CPPED1: variants seen among roughly 807,000 people sequenced by gnomAD.
CPPED1 encodes serine/threonine-protein phosphatase CPPED1.
In CPPED1, 28 loss-of-function variants were observed where a neutral mutation model predicts 28.0. That is an observed-to-expected ratio of 1.00 (90% confidence interval 0.74 to 1.37). CPPED1 has a LOEUF of 1.37. Among genes scored for constraint, CPPED1 ranks in the 40% most tolerant of loss-of-function variants. The pLI is 0.00. For synonymous variants in CPPED1, 198 were observed against 180.2 expected (o/e 1.10, Z -0.79); for missense variants, 504 against 416.5 (o/e 1.21, Z -1.83).
At chr16:12,761,597 T>C (rs1314610701) in intron 2 of CPPED1, among the ~76,000 whole-genome samples, 1 of 152,120 alleles carries the variant, frequency 6.6e-6, no homozygotes, top group East Asian at 1.9e-4. Context: ...GGTGTCCCTG[T>C]GAAGAGACTA....
chr16:12,759,163 TAA>T (rs61373635), intron 2 of CPPED1: 9 of 74,358 alleles, frequency 1.2e-4, no homozygotes, highest in African/African-American at 2.7e-4. Flanking sequence ...ACTCTGTCTC[TAA>T]AAAAAAAAAA....
chr16:12,758,537 G>A (rs1420306679), intron 2 of CPPED1, among the ~76,000 whole-genome samples: 1 of 152,122 alleles, frequency 6.6e-6, no homozygotes, highest in Non-Finnish European at 1.5e-5. Context: ...CCTGTCACAT[G>A]CCTGGCATTG....
At chr16:12,769,461 T>G (rs4387586) in intron 2 of CPPED1, among the ~76,000 whole-genome samples, 62,971 of 151,828 alleles carry the variant, frequency 0.41, 13,534 homozygotes, top group African/African-American at 0.52. Flanking sequence ...AGCCAGTGTG[T>G]CTCCTCTGCC....
At chr16:12,711,874 G>A (rs1013854242) in intron 2 of CPPED1, among the ~76,000 whole-genome samples, 4 of 152,158 alleles carry the variant, frequency 2.6e-5, no homozygotes, top group Non-Finnish European at 5.9e-5. Flanking sequence ...TGTCCAGTAT[G>A]TAGTATGTGC....
intron 2 of CPPED1, among the ~76,000 whole-genome samples, chr16:12,742,998 G>C (rs2080264639): frequency 6.6e-6 from 1 of 152,118 alleles, no homozygotes; most frequent in African/African-American, 2.4e-5. Context: ...TTTGTCTATG[G>C]GTCATGAGTG....
At chr16:12,694,783 C>T (rs12922101) in intron 3 of CPPED1, among the ~76,000 whole-genome samples, 114,948 of 139,768 alleles carry the variant, frequency 0.82, 47,607 homozygotes, top group Non-Finnish European at 0.86. Flanking sequence ...AAACCCCCCC[C>T]TTTTTTTTTT....
chr16:12,721,598 A>G (rs2080140404), intron 2 of CPPED1, among the ~76,000 whole-genome samples: 1 of 151,906 alleles, frequency 6.6e-6, no homozygotes. Context: ...ACTAAAAATA[A>G]AAAAATTAGC....
intron 2 of CPPED1, among the ~76,000 whole-genome samples, chr16:12,737,270 T>C (rs1370245411): frequency 6.6e-6 from 1 of 151,980 alleles, no homozygotes. Context: ...AACTTGAAGG[T>C]GTAGGGCAAC....
chr16:12,680,989 CCT>C (rs1408722604), intron 3 of CPPED1, among the ~76,000 whole-genome samples: 1 of 152,034 alleles, frequency 6.6e-6, no homozygotes, highest in Non-Finnish European at 1.5e-5. Context: ...AGATTCTCTT[CCT>C]CTTTCTTTCT....
At chr16:12,677,029 T>G (rs1034932661) in intron 3 of CPPED1, among the ~76,000 whole-genome samples, 11 of 151,868 alleles carry the variant, frequency 7.2e-5, no homozygotes, top group African/African-American at 2.7e-4. Flanking sequence ...ACACATCAGG[T>G]GAGGGGAATA....
At chr16:12,696,717 A>T (rs1226655602) in intron 3 of CPPED1, among the ~76,000 whole-genome samples, 1 of 151,992 alleles carries the variant, frequency 6.6e-6, no homozygotes, top group Non-Finnish European at 1.5e-5. Flanking sequence ...TGCTGGGATT[A>T]CAGGTGTGAG....
chr16:12,678,300 C>A (rs1194670502), intron 3 of CPPED1, among the ~76,000 whole-genome samples: 1 of 152,180 alleles, frequency 6.6e-6, no homozygotes, highest in African/African-American at 2.4e-5. Context: ...CAGAAAGAGA[C>A]TTCTATATCT....
intron 2 of CPPED1, among the ~76,000 whole-genome samples, chr16:12,773,692 C>T (rs559509559): frequency 1.3e-5 from 2 of 152,238 alleles, no homozygotes; most frequent in African/African-American, 4.8e-5. Flanking sequence ...CTGTACCCAG[C>T]CTGGGCGACA....
intron 1 of CPPED1, among the ~76,000 whole-genome samples, chr16:12,786,491 T>A (rs1265668582): frequency 6.6e-6 from 1 of 152,208 alleles, no homozygotes; most frequent in Admixed American, 6.5e-5. Context: ...ACTTCTCTGG[T>A]CATTGTTAGG....
rs1283891805 is a variant in CPPED1, at chr16:12,715,923, C to T, written c.290-10874G>A. On this transcript the variant is annotated intron_variant, in intron 2 of 3. Transcript: ENST00000381774. ...ATTTTATGTGTGGCCCAAGACAATT[C>T]TTCTTGTAAAGTGGCCCAGGGAAGC... Among the ~76,000 whole-genome samples, 3 of 152,122 alleles carry T rather than the reference C, an allele frequency of 2.0e-5. No homozygotes were observed. In the East Asian group the frequency reaches 5.8e-4, roughly 29 times the overall value.
At chr16:12,782,690 T>C (rs1455357022) in intron 1 of CPPED1, among the ~76,000 whole-genome samples, 1 of 151,468 alleles carries the variant, frequency 6.6e-6, no homozygotes, top group Non-Finnish European at 1.5e-5. Context: ...TGAAACCCCA[T>C]CTCTATCAAA....
chr16:12,673,656 C>T (rs935169932), intron 3 of CPPED1, among the ~76,000 whole-genome samples: 1 of 152,126 alleles, frequency 6.6e-6, no homozygotes, highest in Non-Finnish European at 1.5e-5. Flanking sequence ...TCCATCTGCC[C>T]CTCAGGGCTC....
At chr16:12,696,921 C>A (rs991228846) in intron 3 of CPPED1, among the ~76,000 whole-genome samples, 5 of 152,124 alleles carry the variant, frequency 3.3e-5, no homozygotes, top group Non-Finnish European at 5.9e-5. Flanking sequence ...GTTATAGGAC[C>A]CCCTGCCCAC....
chr16:12,728,298 C>T (rs764861066), intron 2 of CPPED1, among the ~76,000 whole-genome samples: 71 of 151,594 alleles, frequency 4.7e-4, no homozygotes, highest in Non-Finnish European at 6.9e-4. Flanking sequence ...TTAGAGGGTC[C>T]GTAGAGGTAT....
Sources: gnomAD v4.1 joint callset for allele counts (sites outside exome capture counted in the v4.1 genomes callset) on GRCh38, gnomAD v4.1.1 for gene constraint, MANE v1.5 for transcripts, NCBI Gene and HGNC (gene_info 2026-07-23, HGNC 2026-07-21) for gene names.